Variants in PCLO observed in about 807,000 individuals in gnomAD.
The protein encoded by PCLO is piccolo presynaptic cytomatrix protein, also known as protein piccolo.
A neutral mutation model predicts 427.5 loss-of-function variants in PCLO; 82 were observed. The observed-to-expected ratio is 0.19, with a 90% CI of 0.16 to 0.23. PCLO has a LOEUF of 0.23. Ranked by LOEUF, PCLO falls within the 10% of genes least tolerant of loss-of-function variation. PCLO has a pLI of 1.00. For synonymous variants in PCLO, 2,357 were observed against 2,155.4 expected (o/e 1.09, Z -2.59); for missense variants, 6,239 against 6,115.9 (o/e 1.02, Z -0.67).
intron 10 of PCLO, among the ~76,000 whole-genome samples, chr7:82,869,298 C>A (rs1022564542): frequency 2.0e-5 from 3 of 151,988 alleles, no homozygotes; most frequent in African/African-American, 7.2e-5. Flanking sequence ...AATGTCCTAA[C>A]TCTTGTTATT....
chr7:82,808,845 T>C (rs1037711812), intron 20 of PCLO, among the ~76,000 whole-genome samples: 2 of 151,904 alleles, frequency 1.3e-5, no homozygotes, highest in African/African-American at 4.8e-5. Context: ...TGCAGAGATA[T>C]ATAGCCTCAC....
intron 3 of PCLO, among the ~76,000 whole-genome samples, chr7:83,107,970 A>G (rs1468777468): frequency 7.1e-6 from 1 of 141,684 alleles, no homozygotes; most frequent in African/African-American, 2.7e-5. Context: ...GCCAGGTGAC[A>G]GAGTGAGACT....
chr7:83,117,620 A>G (rs1406526011), intron 3 of PCLO, among the ~76,000 whole-genome samples: 1 of 152,102 alleles, frequency 6.6e-6, no homozygotes, highest in East Asian at 1.9e-4. Flanking sequence ...AGTGTTCTTC[A>G]CCTGTGACTC....
intron 11 of PCLO, among the ~76,000 whole-genome samples, 156 bp from the exon 12 acceptor site, chr7:82,846,790 A>T (rs1408188934): frequency 6.6e-6 from 1 of 152,148 alleles, no homozygotes; most frequent in Non-Finnish European, 1.5e-5. Context: ...AACCCAATAT[A>T]TATTTGCAAT....
intron 3 of PCLO, among the ~76,000 whole-genome samples, chr7:83,039,529 G>A (rs956530872): frequency 1.3e-5 from 2 of 152,170 alleles, no homozygotes; most frequent in East Asian, 1.9e-4. Context: ...AGGTACATGG[G>A]TTTATACCTA....
chr7:83,006,257 T>C (rs886667), intron 3 of PCLO, among the ~76,000 whole-genome samples: 3,410 of 151,734 alleles, frequency 0.022, 139 homozygotes, highest in African/African-American at 0.078. Context: ...AATAACATAA[T>C]AGAAATGTAA....
At position 82,950,988 on chromosome 7, in the gene PCLO, A is replaced by T. The variant is rs773390412; in HGVS notation, c.9600T>A (p.Ala3200=). The stretch of plus-strand genomic sequence containing the variant: ...TATCTTCTTCAGGGACAATTAAAAG[A>T]GCACTTTCATCTCCCACCACTTCAG... ...VFPEVVGDES[A]LLIVPEEDKQ... Residue 3200 remains alanine, a synonymous_variant, in exon 6 of 25, where the codon GCT becomes GCA. Transcript: ENST00000333891. 3 of 1,613,832 alleles carry T rather than the reference A, an allele frequency of 1.9e-6. No individual in the cohort carries two copies. In the East Asian group the frequency reaches 6.7e-5, roughly 36 times the overall value.
At chr7:82,797,373 C>G (rs1395992799) in intron 22 of PCLO, among the ~76,000 whole-genome samples, 1 of 152,026 alleles carries the variant, frequency 6.6e-6, no homozygotes, top group Non-Finnish European at 1.5e-5. Flanking sequence ...TTAAATACAT[C>G]CATCTTAACT....
At chr7:82,912,052 T>C (rs150722549) in intron 7 of PCLO, among the ~76,000 whole-genome samples, 20 of 152,288 alleles carry the variant, frequency 1.3e-4, no homozygotes, top group African/African-American at 3.8e-4. Flanking sequence ...ATGACTGTCT[T>C]ATATCCTATC....
At chr7:82,984,187 G>A (rs1796207590) in intron 3 of PCLO, among the ~76,000 whole-genome samples, 1 of 151,780 alleles carries the variant, frequency 6.6e-6, no homozygotes. Context: ...TTTCAAAGGT[G>A]GACTCTTAAT....
chr7:82,771,410 A>T (rs1222531327), intron 22 of PCLO, among the ~76,000 whole-genome samples: 3 of 151,928 alleles, frequency 2.0e-5, no homozygotes, highest in East Asian at 1.9e-4. Flanking sequence ...GTAAAAAAAA[A>T]TTTTCACCCT....
At chr7:82,766,006 G>T (rs17210438) in intron 22 of PCLO, among the ~76,000 whole-genome samples, 72,049 of 151,806 alleles carry the variant, frequency 0.47, 18,161 homozygotes, top group East Asian at 0.72. Flanking sequence ...GAATGAAAAG[G>T]CAGTTTCTGG....
In PCLO at chr7:83,135,148, T is replaced by G. The variant is rs552296324; in HGVS notation, c.2402A>C (p.Lys801Thr). 1.2e-6 allele frequency: 2 copies of G among 1,613,952 alleles called. No homozygotes were observed. The highest frequency in any genetic ancestry group is 4.5e-5 in the East Asian group (2 of 44,856). The stretch of plus-strand genomic sequence containing the variant: ...TGTTGGTGGAAAACTCTGTGAGGGT[T>G]TGGCAGAGTCTGTTTTTAGAGGAGG... The part of the protein sequence containing the change: ...TTPPLKTDSA[K>T]PSQSFPPTGE... Residue 801 changes from lysine (K) to threonine (T), a missense_variant, in exon 3 of 25, where the codon AAA (lysine) becomes ACA (threonine). By Grantham distance (78) the Lys-to-Thr change is moderately conservative. Transcript: ENST00000333891.
chr7:82,763,034 T>G (rs1790462685), intron 22 of PCLO, among the ~76,000 whole-genome samples: 1 of 152,082 alleles, frequency 6.6e-6, no homozygotes, highest in Admixed American at 6.6e-5. Context: ...TCAGACTTCT[T>G]AAGTCAACCA....
Position 83,094,210 on chromosome 7 carries a change from C to CTGTTTT in PCLO, c.3300+40039_3300+40040insAAAACA, listed in dbSNP as rs61363541. ...AACCTTTTGGGACTGATTTTTTTTT[C>CTGTTTT]TTTTTTTTTTTTTTTTTGAGACAGA... On this transcript the variant is annotated intron_variant, in intron 3 of 24. Transcript: ENST00000333891. Among the ~76,000 whole-genome samples the CTGTTTT allele has an allele frequency of 5.5e-4, 69 of 126,004 alleles. 4 individuals carry two copies. Among genetic ancestry groups the CTGTTTT allele is most frequent in the East Asian group, 1.6e-3 (7 of 4,378 alleles). The allele number at this position is 126,004 out of a possible 152,430, so 82.7% of individuals were successfully genotyped here. A position where few individuals can be genotyped will look rare whatever the true frequency, so the allele number is the denominator to read the frequency against.
intron 3 of PCLO, among the ~76,000 whole-genome samples, chr7:83,073,510 G>T (rs1357795306): frequency 6.6e-6 from 1 of 151,964 alleles, no homozygotes; most frequent in Non-Finnish European, 1.5e-5. Flanking sequence ...TGCATTGGAG[G>T]AGAAACATAC....
intron 13 of PCLO, among the ~76,000 whole-genome samples, chr7:82,844,352 T>C (rs1792445280): frequency 6.6e-6 from 1 of 152,180 alleles, no homozygotes; most frequent in Non-Finnish European, 1.5e-5. Flanking sequence ...TATGAAGCTT[T>C]TCTATATTTA....
intron 3 of PCLO, among the ~76,000 whole-genome samples, chr7:83,022,138 TGA>T (rs1179768250): frequency 5.3e-5 from 8 of 152,010 alleles, no homozygotes; most frequent in Non-Finnish European, 8.8e-5. Flanking sequence ...AGTGCCCATA[TGA>T]AAGAGGCCTG....
intron 6 of PCLO, among the ~76,000 whole-genome samples, chr7:82,928,750 T>C (rs1208699839): frequency 1.3e-5 from 2 of 152,074 alleles, no homozygotes; most frequent in African/African-American, 4.8e-5. Flanking sequence ...CGAGAAGCTA[T>C]GGGAAGCACA....
Sources: gnomAD v4.1 joint callset for allele counts (sites outside exome capture counted in the v4.1 genomes callset) on GRCh38, gnomAD v4.1.1 for gene constraint, MANE v1.5 for transcripts, NCBI Gene and HGNC (gene_info 2026-07-23, HGNC 2026-07-21) for gene names.